TNRC6B: variants seen among roughly 807,000 people sequenced by gnomAD.
The protein encoded by TNRC6B is trinucleotide repeat containing adaptor 6B.
TNRC6B carries 52 observed loss-of-function variants against 203.6 expected under a neutral mutation model. That is an observed-to-expected ratio of 0.26 (90% CI 0.20 to 0.32). The LOEUF (loss-of-function observed/expected upper bound fraction) is 0.32, where lower values mean the gene tolerates loss of function less well. TNRC6B is among the 10% of genes least tolerant of loss of function. TNRC6B has a pLI of 1.00. For missense variants in TNRC6B, 1,923 were observed against 2,286.2 expected, an observed-to-expected ratio of 0.84 and a Z score of 3.24; for synonymous variants, 838 against 845.7, an observed-to-expected ratio of 0.99 and a Z score of 0.16.
chr22:40,219,985 A>G (rs1279567971), intron 1 of TNRC6B, among the ~76,000 whole-genome samples: 4 of 152,194 alleles, frequency 2.6e-5, no homozygotes, highest in African/African-American at 9.7e-5. Flanking sequence ...CATGGGGGAA[A>G]AACGGGTTTT....
intron 9 of TNRC6B, among the ~76,000 whole-genome samples, chr22:40,278,762 C>T (rs751525553): frequency 1.2e-4 from 18 of 152,136 alleles, no homozygotes; most frequent in African/African-American, 2.7e-4. Context: ...TTTTTTGAGA[C>T]GGAGTCTTGC....
chr22:40,316,720 G>A (rs1184993672), intron 21 of TNRC6B, among the ~76,000 whole-genome samples: 1 of 152,120 alleles, frequency 6.6e-6, no homozygotes, highest in Non-Finnish European at 1.5e-5. Flanking sequence ...TACAGGAGTG[G>A]GTGTCCCCTC....
At chr22:40,154,860 A>AAAAAATATAT (rs1555885936) in intron 3 of TNRC6B, among the ~76,000 whole-genome samples, 1 of 23,588 alleles carries the variant, frequency 4.2e-5, no homozygotes, top group Non-Finnish European at 6.2e-5. Flanking sequence ...AAAAAAAAAA[A>AAAAAATATAT]ATATATATAT....
rs1159571743 is a variant in TNRC6B at position 40,277,093 on chromosome 22, G to A, written c.3158G>A (p.Gly1053Glu). The A allele has an allele frequency of 6.2e-7, 1 of 1,605,626 alleles. No individual in the cohort carries two copies. The highest frequency in any genetic ancestry group is 8.5e-7 in the Non-Finnish European group (1 of 1,177,002). ...TTTCTGTAGTGCTCACTCAAAGGAGGAAACAATGATTCATGGATGAATCCT... is the reference window on the plus strand; with the variant it reads ...TTTCTGTAGTGCTCACTCAAAGGAGAAAACAATGATTCATGGATGAATCCT... ...KKQMKCSLKG[G>E]NNDSWMNPLA... Residue 1053 changes from glycine (G) to glutamate (E), a missense_variant, in exon 8 of 23, where the codon GGA (glycine) becomes GAA (glutamate). Gly to Glu is a moderately conservative substitution (Grantham distance 98). This residue lies in a region of TNRC6B where 599 missense variants were observed against 656.5 expected (regional missense o/e 0.91). Coordinates refer to ENST00000454349, the MANE Select transcript of TNRC6B (RefSeq NM_001162501.2).
intron 3 of TNRC6B, among the ~76,000 whole-genome samples, chr22:40,132,969 A>AAAAAAAAAAAAAT (rs1282694632): frequency 1.3e-5 from 1 of 78,190 alleles, no homozygotes; most frequent in Admixed American, 1.9e-4. Flanking sequence ...AAAAAAAAAA[A>AAAAAAAAAAAAAT]ATATATATAT....
At position 40,266,364 on chromosome 22, in the gene TNRC6B, G is replaced by A. The variant is rs1019872316; in HGVS notation, c.2134G>A (p.Gly712Arg). The change falls in exon 5 of 23, where the codon GGA becomes AGA. Residue 712 changes from glycine (G) to arginine (R), a missense_variant. Physicochemically the swap from Gly to Arg is moderately radical, Grantham distance 125. Around this residue, in one of 8 missense-constraint regions of TNRC6B, gnomAD observed 599 missense variants for 656.5 expected, o/e 0.91. Transcript: ENST00000454349. ...CAACAACTCTTCCAACTGGGGAGGA[G>A]GACGACCTGATGAAAAGACACCTTC... ...KNNNSSNWGG[G>R]RPDEKTPSSW... 6.2e-7 allele frequency: 1 copy of A among 1,611,986 alleles called. No homozygotes were observed. Among genetic ancestry groups the A allele is most frequent in the African/African-American group, 1.3e-5 (1 of 74,894 alleles).
At chr22:40,223,653 C>T (rs779248091) in intron 1 of TNRC6B, among the ~76,000 whole-genome samples, 3 of 152,188 alleles carry the variant, frequency 2.0e-5, no homozygotes, top group Non-Finnish European at 2.9e-5. Flanking sequence ...GGTATAATAA[C>T]GTATTTAACC....
chr22:40,246,255 T>A, intron 2 of TNRC6B, 153 bp downstream of exon 2: 2 of 501,862 alleles, frequency 4.0e-6, no homozygotes. Flanking sequence ...AGTGGCGTGA[T>A]CTTGGCTCAC....
rs377190395 is a variant in TNRC6B at position 40,321,185 on chromosome 22, C to T, written c.5070C>T (p.Tyr1690=). 9.9e-6 allele frequency: 16 copies of T among 1,613,880 alleles called. No homozygotes were observed. The African/African-American group carries it at 1.9e-4, about 19-fold the overall frequency. ...CCCAGGGCACTGCCCTGATCCGATA[C>T]AGCACCAAACAGGAGGCGGCCAAGG... ...NLTQGTALIR[Y]STKQEAAKAQ... The change falls in exon 22 of 23, where the codon TAC becomes TAT. Residue 1690 remains tyrosine, a synonymous_variant. Transcript: ENST00000454349.
chr22:40,246,227 T>A, intron 2 of TNRC6B, 125 bp downstream of exon 2: 1 of 695,684 alleles, frequency 1.4e-6, no homozygotes, highest in Non-Finnish European at 2.2e-6. Context: ...TCTTGCTCTG[T>A]CACCTAGGCT....
chr22:40,115,935 A>G (rs2068383409), intron 1 of TNRC6B, among the ~76,000 whole-genome samples: 1 of 152,218 alleles, frequency 6.6e-6, no homozygotes, highest in Non-Finnish European at 1.5e-5. Flanking sequence ...TACAGTGTAC[A>G]GTAGGGAGAT....
intron 1 of TNRC6B, among the ~76,000 whole-genome samples, chr22:40,079,707 C>G (rs2068049479): frequency 6.6e-6 from 1 of 152,094 alleles, no homozygotes. Context: ...AAACCTCCAA[C>G]TCTTGGACTC....
In TNRC6B at chr22:40,081,588, A is replaced by G. The variant is rs546265177; in HGVS notation, c.-120-35467A>G. On this transcript the variant is annotated intron_variant, in intron 1 of 23. Transcript: ENST00000301923. ...CCTAAGTGCTCAACCTGGCTTTGCC[A>G]CTTTCCAGCTTTGTCACCTGCAACC... Among the ~76,000 whole-genome samples, 8 of 152,306 alleles carry G rather than the reference A, an allele frequency of 5.3e-5. No homozygotes were observed. The South Asian group carries it at 1.0e-3, about 20-fold the overall frequency.
chr22:40,123,652 G>A (rs73412608), intron 2 of TNRC6B, among the ~76,000 whole-genome samples: 3,483 of 152,296 alleles, frequency 0.023, 118 homozygotes, highest in African/African-American at 0.079. Flanking sequence ...CCAGACCAAG[G>A]AGTGTGCTGA....
chr22:40,203,985 G>A (rs892291305), intron 1 of TNRC6B, among the ~76,000 whole-genome samples: 1 of 152,028 alleles, frequency 6.6e-6, no homozygotes, highest in Admixed American at 6.6e-5. Context: ...CACCCAAATA[G>A]CATCACCTTC....
chr22:40,265,253 G>C lies in TNRC6B; in HGVS notation c.1023G>C (p.Gln341His). Residue 341 changes from glutamine to histidine, a missense_variant, in exon 5 of 23, where the codon CAG (glutamine) becomes CAC (histidine). Physicochemically the swap from Gln to His is conservative, Grantham distance 24. Around this residue, in one of 8 missense-constraint regions of TNRC6B, gnomAD observed 614 missense variants for 587.7 expected, o/e 1.04. Transcript: ENST00000454349. The part of the protein sequence containing the change: ...NSSAQVSTVG[Q>H]TSREQQSKME... ...GTGCACAGGTTAGCACAGTAGGTCA[G>C]ACATCCAGGGAACAGCAGTCAAAGA... 1 of 1,614,034 alleles carries C rather than the reference G, an allele frequency of 6.2e-7. No homozygotes were observed. Among genetic ancestry groups the C allele is most frequent in the Non-Finnish European group, 8.5e-7 (1 of 1,179,906 alleles).
chr22:40,310,721 G>C, intron 16 of TNRC6B, 96 bp from the exon 17 acceptor site: 1 of 1,278,054 alleles, frequency 7.8e-7, no homozygotes, highest in South Asian at 1.5e-5. Flanking sequence ...TACTCCATCA[G>C]CTTCAGAAGA....
At chr22:40,049,919 T>C (rs1482693306) in intron 1 of TNRC6B, among the ~76,000 whole-genome samples, 1 of 152,244 alleles carries the variant, frequency 6.6e-6, no homozygotes, top group Non-Finnish European at 1.5e-5. Flanking sequence ...TCTTTGCTAC[T>C]TCTTCGTACT....
intron 5 of TNRC6B, among the ~76,000 whole-genome samples, chr22:40,267,948 A>G (rs563467145): frequency 2.0e-4 from 30 of 152,260 alleles, no homozygotes; most frequent in African/African-American, 6.0e-4. Flanking sequence ...AATAGGAAAC[A>G]TCATACCTGG....
Sources: allele counts gnomAD v4.1 joint callset (sites outside exome capture counted in the v4.1 genomes callset), GRCh38; gene constraint gnomAD v4.1.1; regional missense constraint gnomAD v4.1.1; transcripts MANE v1.5; gene names NCBI Gene and HGNC (gene_info 2026-07-23, HGNC 2026-07-21).